The following STS variants were observed in gnomAD, a reference collection of about 807,000 sequenced individuals.
The protein encoded by STS is steroid sulfatase, also known as steryl-sulfatase.
In STS, 7 loss-of-function variants were observed where a neutral mutation model predicts 26.8. The observed-to-expected ratio is 0.26, with a 90% CI of 0.15 to 0.49. The LOEUF (loss-of-function observed/expected upper bound fraction) is 0.49, where lower values mean the gene tolerates loss of function less well. Ranked by LOEUF, STS falls within the 20% of genes least tolerant of loss-of-function variation. The pLI is 0.98. For missense variants in STS, 434 were observed against 465.6 expected, an observed-to-expected ratio of 0.93 and a Z score of 0.63; for synonymous variants, 199 against 189.4, an observed-to-expected ratio of 1.05 and a Z score of -0.42.
intron 1 of STS, among the ~76,000 whole-genome samples, chrX:7,181,052 C>A (rs183270557): frequency 1.8e-5 from 2 of 111,899 alleles, no homozygotes; most frequent in African/African-American, 3.2e-5. Flanking sequence ...TAGGCAGGGC[C>A]GCTATGTCTG....
At chrX:7,269,913 G>C (rs973133411) in intron 6 of STS, among the ~76,000 whole-genome samples, 4 of 111,722 alleles carry the variant, frequency 3.6e-5, no homozygotes, top group Non-Finnish European at 7.5e-5. Flanking sequence ...CAATAATAAA[G>C]GTCAGACACT....
At chrX:7,169,099 C>T (rs760638002) in intron 1 of STS, among the ~76,000 whole-genome samples, 3 of 111,313 alleles carry the variant, frequency 2.7e-5, no homozygotes, top group South Asian at 3.9e-4. Context: ...TCATCACCAC[C>T]GAAAACAACC....
At chrX:7,154,532 A>G (rs1348541642) in intron 1 of STS, among the ~76,000 whole-genome samples, 1 of 112,510 alleles carries the variant, frequency 8.9e-6, no homozygotes, top group Non-Finnish European at 1.9e-5. Flanking sequence ...AAGGTAAACA[A>G]TGGAATTCTT....
intron 2 of STS, among the ~76,000 whole-genome samples, chrX:7,205,641 C>CT (rs11318727): frequency 0.035 from 3,117 of 87,918 alleles, 144 homozygotes; most frequent in African/African-American, 0.1. Flanking sequence ...TTTCTTTTTT[C>CT]TTTTTTTTTT....
At position 7,325,349 on chromosome X, in the gene STS, A is replaced by T. The variant is rs770493753; in HGVS notation, c.1092A>T (p.Ala364=). 18 of 1,209,685 alleles carry T rather than the reference A, an allele frequency of 1.5e-5. No individual in the cohort carries two copies. Among genetic ancestry groups the T allele is most frequent in the Middle Eastern group, 2.3e-4 (1 of 4,372 alleles). Residue 364 remains alanine (A), a synonymous_variant, in exon 9 of 11, where the codon GCA becomes GCT. Transcript: ENST00000674429. ...GSNGIYKGGK[A]NNWEGGIRVP... ...TTTTTGATCTTTTAGGAGGAAAAGC[A>T]AACAACTGGGAAGGAGGTATCCGGG... is the stretch of plus-strand genomic sequence containing the variant.
intron 2 of STS, among the ~76,000 whole-genome samples, chrX:7,216,113 C>T (rs1921300650): frequency 1.8e-5 from 2 of 111,862 alleles, no homozygotes; most frequent in African/African-American, 6.5e-5. Flanking sequence ...TTGCCATAGT[C>T]ACTGAGTCAT....
At chrX:7,203,626 A>G (rs1362628236) in intron 2 of STS, among the ~76,000 whole-genome samples, 2 of 112,017 alleles carry the variant, frequency 1.8e-5, no homozygotes, top group African/African-American at 6.5e-5. Context: ...CATTTTATAT[A>G]TACAAGAATT....
At chrX:7,342,606 C>A (rs1019037517) in intron 10 of STS, among the ~76,000 whole-genome samples, 2 of 112,124 alleles carry the variant, frequency 1.8e-5, no homozygotes, top group Admixed American at 1.9e-4. Flanking sequence ...GTTGTTGTAT[C>A]GTGAGCTCTG....
intron 1 of STS, among the ~76,000 whole-genome samples, chrX:7,174,194 A>C (rs1163246398): frequency 8.9e-6 from 1 of 111,914 alleles, no homozygotes; most frequent in East Asian, 2.8e-4. Flanking sequence ...TAATGAACCT[A>C]GACTTTGAAA....
At chrX:7,228,726 G>A (rs1434035755) in intron 2 of STS, among the ~76,000 whole-genome samples, 2 of 111,881 alleles carry the variant, frequency 1.8e-5, no homozygotes, top group Non-Finnish European at 3.8e-5. Flanking sequence ...TTAGTTTGAC[G>A]TAGTCCCACT....
At chrX:7,212,272 C>T (rs1166931312) in intron 2 of STS, among the ~76,000 whole-genome samples, 7 of 110,974 alleles carry the variant, frequency 6.3e-5, no homozygotes, top group African/African-American at 9.9e-5. Flanking sequence ...AGTTTGAGAC[C>T]AGCCATGGGT....
chrX:7,195,302 T>G (rs1194598386), intron 2 of STS, among the ~76,000 whole-genome samples: 1 of 111,889 alleles, frequency 8.9e-6, no homozygotes, highest in Non-Finnish European at 1.9e-5. Context: ...CGTGACAACA[T>G]AATGACTACT....
intron 2 of STS, among the ~76,000 whole-genome samples, chrX:7,239,393 C>T (rs1922483217): frequency 8.9e-6 from 1 of 112,158 alleles, no homozygotes; most frequent in Non-Finnish European, 1.9e-5. Flanking sequence ...AAGTTTTTCT[C>T]TGTTTTTAAT....
chrX:7,248,337 A>G (rs1158909571), intron 2 of STS, among the ~76,000 whole-genome samples: 1 of 112,299 alleles, frequency 8.9e-6, no homozygotes, highest in African/African-American at 3.2e-5. Context: ...TGTGTCTGCT[A>G]CAATGCATTT....
chrX:7,243,520 A>G (rs1922719626), intron 2 of STS, among the ~76,000 whole-genome samples: 1 of 111,728 alleles, frequency 9.0e-6, no homozygotes, highest in African/African-American at 3.3e-5. Context: ...TCTGACTCTT[A>G]TTTCTCCTCT....
chrX:7,188,344 C>G (rs1386481508), intron 1 of STS, among the ~76,000 whole-genome samples: 1 of 111,451 alleles, frequency 9.0e-6, no homozygotes, highest in Non-Finnish European at 1.9e-5. Context: ...CTGGATAGTT[C>G]TTTGTCTTGG....
At chrX:7,216,949 G>T (rs1263901376) in intron 2 of STS, among the ~76,000 whole-genome samples, 4 of 111,320 alleles carry the variant, frequency 3.6e-5, no homozygotes, top group African/African-American at 1.3e-4. Context: ...CTTTATTCAG[G>T]ACCATCGCAA....
chrX:7,260,740 T>C (rs989947995), intron 6 of STS, among the ~76,000 whole-genome samples: 1 of 112,049 alleles, frequency 8.9e-6, no homozygotes, highest in African/African-American at 3.2e-5. Flanking sequence ...AATGTGGCCA[T>C]CAAGAGAGGC....
intron 8 of STS, 39 bp downstream of exon 8, chrX:7,305,222 C>T (rs755894244): frequency 8.3e-7 from 1 of 1,204,895 alleles, no homozygotes; most frequent in Non-Finnish European, 1.1e-6. Context: ...GGCCTCTCAG[C>T]TCATCCGCTG....
Sources: allele counts gnomAD v4.1 joint callset (sites outside exome capture counted in the v4.1 genomes callset), GRCh38; gene constraint gnomAD v4.1.1; transcripts MANE v1.5; gene names NCBI Gene and HGNC (gene_info 2026-07-23, HGNC 2026-07-21).